The following GNS variants were observed in gnomAD, a reference collection of about 807,000 sequenced individuals.
GNS encodes glucosamine (N-acetyl)-6-sulfatase.
In GNS, 40 loss-of-function variants were observed where a neutral mutation model predicts 69.7. The observed-to-expected ratio is 0.57, with a 90% confidence interval of 0.45 to 0.75. The LOEUF (loss-of-function observed/expected upper bound fraction) is 0.75, where lower values mean the gene tolerates loss of function less well. Among genes scored for constraint, GNS ranks in the 30% least tolerant of loss-of-function variants. The probability of loss-of-function intolerance (pLI) is 0.00; values close to 1 mark genes in which losing one functional copy is unlikely to be tolerated. For synonymous variants in GNS, 243 were observed against 251.6 expected, an observed-to-expected ratio of 0.97 and a Z score of 0.32; for missense variants, 565 against 685.5, an observed-to-expected ratio of 0.82 and a Z score of 1.96.
intron 10 of GNS, among the ~76,000 whole-genome samples, chr12:64,723,778 T>TA (rs1869107931): frequency 6.6e-6 from 1 of 152,190 alleles, no homozygotes; most frequent in African/African-American, 2.4e-5. Flanking sequence ...GCAGACCACT[T>TA]AGATGTGTGG....
At chr12:64,744,730 A>T in intron 5 of GNS, 79 bp downstream of exon 5, 1 of 786,030 alleles carries the variant, frequency 1.3e-6, no homozygotes, top group Admixed American at 1.7e-5. Flanking sequence ...GAATAAGATT[A>T]TAGGTTTTCT....
In GNS at chr12:64,747,861, G is replaced by A; in HGVS notation, c.310C>T (p.Pro104Ser). 6.2e-7 allele frequency: 1 copy of A among 1,611,126 alleles called. No homozygotes were observed. Among genetic ancestry groups the A allele is most frequent in the Non-Finnish European group, 8.5e-7 (1 of 1,177,244 alleles). Residue 104 changes from proline to serine, a missense_variant, in exon 3 of 14, where the codon CCA (proline) becomes TCA (serine). By Grantham distance (74) the Pro-to-Ser change is moderately conservative. This residue lies in a region of GNS where 181 missense variants were observed against 174.4 expected (regional missense o/e 1.04). Coordinates refer to ENST00000258145, the MANE Select transcript of GNS (RefSeq NM_002076.4). ...TTGTTCACAACGTGATGATTATGTG[G>A]GTACTTTCCTGTCAGGATACTGGCT... is the stretch of plus-strand genomic sequence containing the variant. The part of the protein sequence containing the change: ...SRASILTGKY[P>S]HNHHVVNNTL...
At chr12:64,735,578 A>T (rs1869535311) in intron 9 of GNS, among the ~76,000 whole-genome samples, 1 of 152,204 alleles carries the variant, frequency 6.6e-6, no homozygotes, top group Non-Finnish European at 1.5e-5. Flanking sequence ...GAAAAAAAGG[A>T]ACAGTTTTTT....
At chr12:64,724,323 G>C (rs1297205121) in intron 10 of GNS, among the ~76,000 whole-genome samples, 2 of 152,206 alleles carry the variant, frequency 1.3e-5, no homozygotes, top group Non-Finnish European at 2.9e-5. Flanking sequence ...CTGGGTTTTA[G>C]CAAGTCCCAC....
intron 1 of GNS, chr12:64,756,591 CCTTTT>C (rs1458263952): frequency 8.3e-5 from 52 of 624,526 alleles, no homozygotes; most frequent in Admixed American, 1.4e-4. Context: ...GTTTTAGTTT[CCTTTT>C]AAGATAAGGA....
intron 8 of GNS, among the ~76,000 whole-genome samples, chr12:64,737,732 G>A (rs1404399214): frequency 3.3e-5 from 5 of 152,100 alleles, no homozygotes; most frequent in South Asian, 2.1e-4. Context: ...CAGATGCCAC[G>A]GGCCTCATGA....
intron 1 of GNS, among the ~76,000 whole-genome samples, chr12:64,755,678 A>AT (rs760719152): frequency 0.032 from 4,115 of 129,356 alleles, 214 homozygotes; most frequent in African/African-American, 0.086. Flanking sequence ...AGAGTAAATG[A>AT]TTTTTTTTTT....
rs1316727802 is a variant in GNS at position 64,713,694 on chromosome 12, A to C, written c.*3047T>G. 2.0e-5 allele frequency: 3 copies of C among 152,348 alleles called. No individual in the cohort carries two copies. The highest frequency in any genetic ancestry group is 7.2e-5 in the African/African-American group (3 of 41,426). 9.4% of individuals were successfully genotyped at this position (152,348 alleles called of 1,614,324 possible). A position where few individuals can be genotyped will look rare whatever the true frequency, so the allele number is the denominator to read the frequency against. On this transcript the variant is annotated 3_prime_UTR_variant, in exon 14 of 14. Coordinates refer to ENST00000258145, the MANE Select transcript of GNS (RefSeq NM_002076.4). ...ATTAACTTTTGCTTTCTTTAGGATG[A>C]ATCCTGGGACAACTTTCCTTTAAAA...
In GNS at chr12:64,718,642, G is replaced by C. The variant is rs185873349; in HGVS notation, c.1580+1380C>G. 3.3e-5 allele frequency among the ~76,000 whole-genome samples: 5 copies of C among 152,380 alleles called. No individual in the cohort carries two copies. In the East Asian group the frequency reaches 9.6e-4, roughly 29 times the overall value. ...AGCCTGGCAGGTCCATGTCCTAGCAGTGGCATGGTCAGGGACTGTTTGGCC... is the reference window on the plus strand; with the variant it reads ...AGCCTGGCAGGTCCATGTCCTAGCACTGGCATGGTCAGGGACTGTTTGGCC... On this transcript the variant is annotated intron_variant, in intron 13 of 13. Transcript: ENST00000258145.
In GNS at chr12:64,720,038, C is replaced by G; in HGVS notation, c.1564G>C (p.Gly522Arg). ...SCSGPTCRTP[G>R]VFDPGYRFDP... ...GAAACTTACCCGGGGTCAAAAACCC[C>G]TGGAGTGCGACAGGTTGGCCCAGAA... The change falls in exon 13 of 14, where the codon GGG (glycine) becomes CGG (arginine). Residue 522 changes from glycine to arginine, a missense_variant. Physicochemically the swap from Gly to Arg is moderately radical, Grantham distance 125. This residue lies in a region of GNS where 384 missense variants were observed against 511.0 expected (regional missense o/e 0.75). Coordinates refer to ENST00000258145, the MANE Select transcript of GNS (RefSeq NM_002076.4). The G allele has an allele frequency of 6.2e-7, 1 of 1,613,212 alleles. No homozygotes were observed. The highest frequency in any genetic ancestry group is 8.5e-7 in the Non-Finnish European group (1 of 1,179,220).
intron 10 of GNS, 150 bp downstream of exon 10, chr12:64,728,806 A>C: frequency 4.7e-6 from 3 of 636,380 alleles, no homozygotes; most frequent in Non-Finnish European, 2.8e-6. Flanking sequence ...CATGTGGTCT[A>C]ATTTTTTATT....
intron 3 of GNS, among the ~76,000 whole-genome samples, chr12:64,746,675 C>T (rs1489208146): frequency 6.6e-6 from 1 of 152,210 alleles, no homozygotes; most frequent in African/African-American, 2.4e-5. Context: ...AGAATTTAAT[C>T]CCTGAAAACA....
At chr12:64,734,453 G>A (rs1039521948) in intron 9 of GNS, among the ~76,000 whole-genome samples, 9 of 152,106 alleles carry the variant, frequency 5.9e-5, no homozygotes, top group Non-Finnish European at 8.8e-5. Context: ...CAGAGGGAGC[G>A]GTAAACCAAA....
intron 2 of GNS, among the ~76,000 whole-genome samples, chr12:64,751,320 A>C (rs1409385681): frequency 6.6e-6 from 1 of 152,142 alleles, no homozygotes; most frequent in Non-Finnish European, 1.5e-5. Context: ...AATTCTAGTG[A>C]TTTTAAAGGG....
chr12:64,720,129 A>G lies in GNS; in HGVS notation c.1473T>C (p.Ile491=). 3 of 1,605,404 alleles carry G rather than the reference A, an allele frequency of 1.9e-6. No individual in the cohort carries two copies. Among genetic ancestry groups the G allele is most frequent in the South Asian group, 1.1e-5 (1 of 90,870 alleles). ...AAAGCTCTGGGTCTATGGTTTTAGC[A>G]ATGTTAGTGATCTGGTCTGGGTCTG... ...LTADPDQITN[I]AKTIDPELLG... is the part of the protein sequence containing the mutation. Residue 491 remains isoleucine (I), a synonymous_variant, in exon 13 of 14, where the codon ATT becomes ATC. Coordinates refer to ENST00000258145, the MANE Select transcript of GNS (RefSeq NM_002076.4).
intron 6 of GNS, among the ~76,000 whole-genome samples, chr12:64,742,242 A>T (rs111405080): frequency 1.3e-5 from 2 of 152,052 alleles, no homozygotes; most frequent in African/African-American, 4.8e-5. Flanking sequence ...GGATGGTCTC[A>T]ATCTCCTGAC....
chr12:64,734,313 T>C (rs941023786), intron 9 of GNS, among the ~76,000 whole-genome samples: 1 of 152,178 alleles, frequency 6.6e-6, no homozygotes, highest in African/African-American at 2.4e-5. Context: ...GTTTAGATAG[T>C]TCCTCTTTTC....
chr12:64,736,233 A>G (rs1869552482), intron 9 of GNS, among the ~76,000 whole-genome samples: 1 of 152,256 alleles, frequency 6.6e-6, no homozygotes, highest in Non-Finnish European at 1.5e-5. Flanking sequence ...GTGCCTCAGC[A>G]TTAGGTACCA....
intron 9 of GNS, among the ~76,000 whole-genome samples, chr12:64,735,781 A>G (rs573225959): frequency 3.9e-5 from 6 of 152,354 alleles, no homozygotes; most frequent in Non-Finnish European, 8.8e-5. Flanking sequence ...CCTTTGAAAG[A>G]GGAAGCCTGT....
Sources: allele counts gnomAD v4.1 joint callset (sites outside exome capture counted in the v4.1 genomes callset), GRCh38; gene constraint gnomAD v4.1.1; regional missense constraint gnomAD v4.1.1; transcripts MANE v1.5; gene names NCBI Gene and HGNC (gene_info 2026-07-23, HGNC 2026-07-21).